The following KCNH5 variants were observed in gnomAD, a reference collection of about 807,000 sequenced individuals.
KCNH5 encodes voltage-gated delayed rectifier potassium channel KCNH5.
KCNH5 carries 46 observed loss-of-function variants against 96.1 expected under a neutral mutation model. That is an observed-to-expected ratio of 0.48 (90% CI 0.38 to 0.61). The LOEUF (loss-of-function observed/expected upper bound fraction) is 0.61, where lower values mean the gene tolerates loss of function less well. Among genes scored for constraint, KCNH5 ranks in the 20% least tolerant of loss-of-function variants. The pLI is 0.00. For missense variants in KCNH5, 907 were observed against 1,225.8 expected, an observed-to-expected ratio of 0.74 and a Z score of 3.88; for synonymous variants, 439 against 449.8, an observed-to-expected ratio of 0.98 and a Z score of 0.30.
intron 10 of KCNH5, among the ~76,000 whole-genome samples, chr14:62,746,731 A>G (rs1408191007): frequency 6.6e-6 from 1 of 152,240 alleles, no homozygotes; most frequent in African/African-American, 2.4e-5. Flanking sequence ...TGAAATGTCA[A>G]ACATGAATAA....
chr14:63,016,799 A>G, intron 2 of KCNH5, 32 bp downstream of exon 2: 2 of 1,592,644 alleles, frequency 1.3e-6, no homozygotes, highest in African/African-American at 1.4e-5. Flanking sequence ...GTTAAATTTC[A>G]GAAAAGATTA....
intron 7 of KCNH5, among the ~76,000 whole-genome samples, chr14:62,941,500 C>T (rs1290965795): frequency 2.0e-5 from 3 of 152,070 alleles, no homozygotes; most frequent in Non-Finnish European, 4.4e-5. Flanking sequence ...GAACTTGGGG[C>T]TCCATAAAAT....
At chr14:63,013,116 T>A (rs1402705903) in intron 2 of KCNH5, among the ~76,000 whole-genome samples, 1 of 151,892 alleles carries the variant, frequency 6.6e-6, no homozygotes, top group Non-Finnish European at 1.5e-5. Context: ...TGGGAGGGGT[T>A]GAGAAGGACA....
At chr14:62,956,572 A>G (rs1253518421) in intron 6 of KCNH5, among the ~76,000 whole-genome samples, 2 of 138,532 alleles carry the variant, frequency 1.4e-5, no homozygotes, top group African/African-American at 5.4e-5. Flanking sequence ...CTAACATTTC[A>G]CCACAGTACA....
At chr14:62,973,091 T>A (rs1890438890) in intron 6 of KCNH5, among the ~76,000 whole-genome samples, 1 of 149,604 alleles carries the variant, frequency 6.7e-6, no homozygotes, top group Non-Finnish European at 1.5e-5. Flanking sequence ...AGTGGGAGAA[T>A]CTATGCATGT....
intron 7 of KCNH5, among the ~76,000 whole-genome samples, chr14:62,909,105 G>A (rs1285533459): frequency 7.5e-6 from 1 of 132,744 alleles, no homozygotes; most frequent in Non-Finnish European, 1.6e-5. Flanking sequence ...GAGTGCAGTG[G>A]CGGGATCTCG....
intron 10 of KCNH5, among the ~76,000 whole-genome samples, chr14:62,724,865 T>A (rs975171408): frequency 3.3e-5 from 5 of 152,166 alleles, no homozygotes; most frequent in Admixed American, 3.3e-4. Flanking sequence ...AACTTAGAAT[T>A]TGAAACAAAA....
At position 62,705,754 on chromosome 14, in the gene KCNH5, A is replaced by G. The variant is rs917278503; in HGVS notation, c.*1754T>C. 6.6e-6 allele frequency: 1 copy of G among 152,108 alleles called. No individual in the cohort carries two copies. Among genetic ancestry groups the G allele is most frequent in the Non-Finnish European group, 1.5e-5 (1 of 67,930 alleles). 9.4% of individuals were successfully genotyped at this position (152,108 alleles called of 1,614,324 possible). A position where few individuals can be genotyped will look rare whatever the true frequency, so the allele number is the denominator to read the frequency against. Reference sequence around the variant, plus strand: ...ACTTCTCAAGTCTGAATGTGATAACATGTCTTTCAGTTCTAGTGGCTTTGG... The same window carrying G: ...ACTTCTCAAGTCTGAATGTGATAACGTGTCTTTCAGTTCTAGTGGCTTTGG... On this transcript the variant is annotated 3_prime_UTR_variant, in exon 11 of 11. Transcript: ENST00000322893.
intron 10 of KCNH5, among the ~76,000 whole-genome samples, chr14:62,721,327 C>A (rs1595593677): frequency 6.6e-6 from 1 of 152,158 alleles, no homozygotes; most frequent in Non-Finnish European, 1.5e-5. Flanking sequence ...CTTGTGGTTT[C>A]TTTGGCAATG....
intron 7 of KCNH5, among the ~76,000 whole-genome samples, chr14:62,885,829 A>G (rs1465365894): frequency 1.3e-5 from 2 of 152,202 alleles, no homozygotes; most frequent in African/African-American, 4.8e-5. Context: ...AGTAGAAGGG[A>G]GAAGCACAAT....
intron 4 of KCNH5, among the ~76,000 whole-genome samples, chr14:62,993,358 T>C (rs560026916): frequency 6.6e-6 from 1 of 152,162 alleles, no homozygotes; most frequent in East Asian, 1.9e-4. Context: ...AAAATGACAT[T>C]GGTATTTTGA....
At chr14:62,976,158 T>C (rs1890494825) in intron 6 of KCNH5, among the ~76,000 whole-genome samples, 1 of 151,072 alleles carries the variant, frequency 6.6e-6, no homozygotes, top group Non-Finnish European at 1.5e-5. Flanking sequence ...CCCAGCACTT[T>C]GGGAGGCCAA....
chr14:62,924,462 CT>C (rs1312143072), intron 7 of KCNH5, among the ~76,000 whole-genome samples: 32 of 151,904 alleles, frequency 2.1e-4, no homozygotes, highest in African/African-American at 7.0e-4. Flanking sequence ...AGCAATCCCA[CT>C]TCTGGGTACT....
chr14:62,958,833 A>C (rs754156790), intron 6 of KCNH5, among the ~76,000 whole-genome samples: 13 of 152,060 alleles, frequency 8.5e-5, no homozygotes, highest in Non-Finnish European at 1.5e-4. Context: ...TGCATCTGTC[A>C]ACTACCTAGC....
At position 62,779,896 on chromosome 14, in the gene KCNH5, G is replaced by A; in HGVS notation, c.1851C>T (p.Phe617=). The change falls in exon 10 of 11, where the codon TTC becomes TTT. Residue 617 remains phenylalanine, a synonymous_variant. Coordinates refer to ENST00000322893, the MANE Select transcript of KCNH5 (RefSeq NM_139318.5). ...CATGGGCAAGGGTGGTTTCCTTCCA[G>A]AAGATGTCTCCAAATACATCACCCT... The part of the protein sequence containing the change: ...LGKGDVFGDI[F]WKETTLAHAC... The A allele has an allele frequency of 6.2e-7, 1 of 1,613,486 alleles. No individual in the cohort carries two copies. The highest frequency in any genetic ancestry group is 8.5e-7 in the Non-Finnish European group (1 of 1,179,654).
intron 8 of KCNH5, among the ~76,000 whole-genome samples, chr14:62,829,119 G>A (rs1326695795): frequency 1.3e-5 from 2 of 152,170 alleles, no homozygotes; most frequent in Admixed American, 6.5e-5. Flanking sequence ...GATGAAAAGT[G>A]TGGGCTCCCA....
intron 4 of KCNH5, among the ~76,000 whole-genome samples, chr14:62,999,687 G>A (rs1890975002): frequency 7.7e-6 from 1 of 130,682 alleles, no homozygotes; most frequent in South Asian, 2.6e-4. Flanking sequence ...CACAGGAAGG[G>A]GAACATCACA....
At chr14:62,846,661 T>C (rs1422687789) in intron 8 of KCNH5, among the ~76,000 whole-genome samples, 2 of 151,764 alleles carry the variant, frequency 1.3e-5, no homozygotes, top group South Asian at 2.1e-4. Context: ...CTTTAACTTA[T>C]ATTCAGTCCT....
At chr14:62,850,663 T>A (rs895433538) in intron 7 of KCNH5, among the ~76,000 whole-genome samples, 11 of 152,166 alleles carry the variant, frequency 7.2e-5, no homozygotes, top group African/African-American at 2.7e-4. Flanking sequence ...CTAGTCAGGC[T>A]ATTAATGCTG....
Sources: gnomAD v4.1 joint callset for allele counts (sites outside exome capture counted in the v4.1 genomes callset) on GRCh38, gnomAD v4.1.1 for gene constraint, MANE v1.5 for transcripts, NCBI Gene and HGNC (gene_info 2026-07-23, HGNC 2026-07-21) for gene names.